WDR25: variants seen among roughly 807,000 people sequenced by gnomAD.
The protein encoded by WDR25 is WD repeat-containing protein 25.
Under a neutral mutation model 47.7 loss-of-function variants are expected in WDR25, and 35 were observed. The ratio of observed to expected loss-of-function variants is 0.73; its 90% confidence interval spans 0.56 to 0.97. WDR25 has a LOEUF of 0.97. Among genes scored for constraint, WDR25 ranks in the 50% least tolerant of loss-of-function variants. WDR25 has a pLI of 0.00. For missense variants in WDR25, 634 were observed against 704.7 expected (o/e 0.90, Z 1.14); for synonymous variants, 248 against 278.9 (o/e 0.89, Z 1.10).
intron 2 of WDR25, among the ~76,000 whole-genome samples, chr14:100,413,219 G>A (rs1375523028): frequency 6.6e-6 from 1 of 151,822 alleles, no homozygotes; most frequent in Non-Finnish European, 1.5e-5. Flanking sequence ...ACTGTCAGAT[G>A]AGTTTTGACA....
rs57039819 is a variant in WDR25, at chr14:100,381,392, C to T, written c.468C>T (p.Thr156=). Residue 156 remains threonine, a synonymous_variant, in exon 2 of 7, where the codon ACC becomes ACT. Transcript: ENST00000402312. ...TCCATGCTCAAAGTGAGTCTGAAACCGTAGGTAAAAATGGCAGCTCTTTTC... is the reference window on the plus strand; with the variant it reads ...TCCATGCTCAAAGTGAGTCTGAAACTGTAGGTAAAAATGGCAGCTCTTTTC... ...SSFHAQSESE[T]VGKNGSSFQK... 1,005 of 1,614,122 alleles carry T rather than the reference C, an allele frequency of 6.2e-4. 12 individuals carry two copies. The African/African-American group carries it at 0.012, about 19-fold the overall frequency.
At chr14:100,512,864 G>A (rs771003663) in intron 4 of WDR25, among the ~76,000 whole-genome samples, 9 of 152,098 alleles carry the variant, frequency 5.9e-5, no homozygotes, top group African/African-American at 1.7e-4. Context: ...AAGTGTGCTC[G>A]TTAGGTTCCA....
chr14:100,443,168 T>G (rs753564235), intron 2 of WDR25, among the ~76,000 whole-genome samples: 1 of 152,248 alleles, frequency 6.6e-6, no homozygotes, highest in African/African-American at 2.4e-5. Context: ...ATTGCTCTTC[T>G]GACTCCAAGC....
chr14:100,495,971 T>C (rs1378503594), intron 4 of WDR25, among the ~76,000 whole-genome samples: 1 of 152,258 alleles, frequency 6.6e-6, no homozygotes, highest in Non-Finnish European at 1.5e-5. Flanking sequence ...AGAAGTAGAA[T>C]TGCAAAGTCA....
chr14:100,441,440 C>G (rs1464197087), intron 2 of WDR25, among the ~76,000 whole-genome samples: 1 of 152,058 alleles, frequency 6.6e-6, no homozygotes, highest in Non-Finnish European at 1.5e-5. Context: ...AGGGAGTCTC[C>G]TCTCCAGACA....
chr14:100,528,982 G>T, intron 5 of WDR25, 86 bp from the exon 6 acceptor site: 1 of 1,458,196 alleles, frequency 6.9e-7, no homozygotes. Flanking sequence ...ACCCAGCTAG[G>T]GTCTGGGAGC....
intron 2 of WDR25, among the ~76,000 whole-genome samples, chr14:100,451,766 G>A (rs985328679): frequency 2.0e-5 from 3 of 152,154 alleles, no homozygotes; most frequent in Non-Finnish European, 2.9e-5. Context: ...CCAACTGGAT[G>A]ACCTATGGCT....
chr14:100,473,242 C>T (rs1013641562), intron 3 of WDR25, among the ~76,000 whole-genome samples: 9 of 152,190 alleles, frequency 5.9e-5, no homozygotes, highest in African/African-American at 2.2e-4. Context: ...ATGGTAGACT[C>T]TTTGCTTATG....
rs111261947 is a variant in WDR25, at chr14:100,388,379, G to A, written c.822+6633G>A. On this transcript the variant is annotated intron_variant, in intron 2 of 6. Coordinates refer to ENST00000402312, the MANE Select transcript of WDR25 (RefSeq NM_001161476.3). ...GGTTCATTTGATAGAGGCCCATAGA[G>A]GGGAAGACACGCCCGAGGACACACA... 8.0e-3 allele frequency among the ~76,000 whole-genome samples: 1,223 copies of A among 152,356 alleles called. 10 individuals are homozygous for A. The highest frequency in any genetic ancestry group is 0.024 in the African/African-American group (999 of 41,584).
Position 100,381,448 on chromosome 14 carries a change from C to T in WDR25, c.524C>T (p.Pro175Leu). The T allele has an allele frequency of 1.2e-6, 2 of 1,614,132 alleles. No homozygotes were observed. Among genetic ancestry groups the T allele is most frequent in the Non-Finnish European group, 1.7e-6 (2 of 1,180,042 alleles). The change falls in exon 2 of 7, where the codon CCC becomes CTC. Residue 175 changes from proline to leucine, a missense_variant. Coordinates refer to ENST00000402312, the MANE Select transcript of WDR25 (RefSeq NM_001161476.3). Reference protein sequence around the residue: ...QKKKCEDCVVPYTPRRLRQRQ... With the variant: ...QKKKCEDCVVLYTPRRLRQRQ... ...AAAAAATGTGAGGACTGTGTGGTAC[C>T]CTATACTCCCAGAAGACTAAGACAG...
In WDR25 at chr14:100,500,764, T is replaced by C. The variant is rs961699424; in HGVS notation, c.1101+16640T>C. 6.6e-6 allele frequency among the ~76,000 whole-genome samples: 1 copy of C among 152,166 alleles called. No individual in the cohort carries two copies. The highest frequency in any genetic ancestry group is 1.5e-5 in the Non-Finnish European group (1 of 68,014). On this transcript the variant is annotated intron_variant, in intron 4 of 6. Coordinates refer to ENST00000402312, the MANE Select transcript of WDR25 (RefSeq NM_001161476.3). This position sits in a 1 kb window ranked among gnomAD's most constrained non-coding sequence, Gnocchi z 4.7. Reference sequence around the variant, plus strand: ...CAGGTGGTACTGCGAGGCAGGGGCCTGGGCTTTTCAGAGTTGGGCTGCTCT... The same window carrying C: ...CAGGTGGTACTGCGAGGCAGGGGCCCGGGCTTTTCAGAGTTGGGCTGCTCT...
At chr14:100,414,956 G>A (rs1897829648) in intron 2 of WDR25, among the ~76,000 whole-genome samples, 1 of 151,942 alleles carries the variant, frequency 6.6e-6, no homozygotes, top group Non-Finnish European at 1.5e-5. Context: ...ATGGAGAATA[G>A]GTCACGAGGG....
intron 4 of WDR25, among the ~76,000 whole-genome samples, chr14:100,519,852 CTA>C (rs199803054): frequency 0.083 from 10,969 of 132,156 alleles, 1,530 homozygotes; most frequent in African/African-American, 0.29. Flanking sequence ...ACTATATATG[CTA>C]TATATATACT....
chr14:100,435,037 C>T (rs939853045), intron 2 of WDR25, among the ~76,000 whole-genome samples: 3 of 152,144 alleles, frequency 2.0e-5, no homozygotes, highest in Non-Finnish European at 4.4e-5. Context: ...GTGCAGTGTG[C>T]GTCTAGGTGC....
At chr14:100,377,467 A>T (rs977460035) in intron 1 of WDR25, among the ~76,000 whole-genome samples, 141 of 145,592 alleles carry the variant, frequency 9.7e-4, no homozygotes, top group African/African-American at 3.2e-3. Context: ...ACACGGCTAA[A>T]TTTTTTTTTT....
chr14:100,395,328 C>G (rs946426685), intron 2 of WDR25, among the ~76,000 whole-genome samples: 8 of 152,204 alleles, frequency 5.3e-5, no homozygotes, highest in Non-Finnish European at 7.3e-5. Flanking sequence ...AGGACAATAA[C>G]AGCATCCACC....
chr14:100,500,037 C>T lies in WDR25; in HGVS notation c.1101+15913C>T, dbSNP rs1185605952. 2.0e-5 allele frequency among the ~76,000 whole-genome samples: 3 copies of T among 152,084 alleles called. No individual in the cohort carries two copies. Among genetic ancestry groups the T allele is most frequent in the Admixed American group, 6.5e-5 (1 of 15,276 alleles). On this transcript the variant is annotated intron_variant, in intron 4 of 6. Coordinates refer to ENST00000402312, the MANE Select transcript of WDR25 (RefSeq NM_001161476.3). The surrounding 1 kb of genome is among the most constrained non-coding windows in gnomAD (Gnocchi z 4.7). ...AATGGTCTTGCAGCCTGCCTGGCCC[C>T]GCTCCACCCAGAGGTTCCCTGGGAC... is the stretch of plus-strand genomic sequence containing the variant.
In WDR25 at chr14:100,440,515, T is replaced by TGC. The variant is rs1898637044; in HGVS notation, c.823-27505_823-27504dup. On this transcript the variant is annotated intron_variant, in intron 2 of 6. Coordinates refer to ENST00000402312, the MANE Select transcript of WDR25 (RefSeq NM_001161476.3). The surrounding 1 kb of genome is among the most constrained non-coding windows in gnomAD (Gnocchi z 4.4). ...AGGGGCTGGCCGTCATGATTCAGCA[T>TGC]GCTAGCTCTCTGGAGGCTGTGCTGA... Among the ~76,000 whole-genome samples the TGC allele has an allele frequency of 6.6e-6, 1 of 152,200 alleles. No homozygotes were observed. Among genetic ancestry groups the TGC allele is most frequent in the Non-Finnish European group, 1.5e-5 (1 of 68,020 alleles).
At chr14:100,384,728 G>C (rs1396614673) in intron 2 of WDR25, among the ~76,000 whole-genome samples, 3 of 152,196 alleles carry the variant, frequency 2.0e-5, no homozygotes, top group Non-Finnish European at 4.4e-5. Flanking sequence ...TGAGCTCAAA[G>C]AGGCGGGTGC....
Sources: allele counts gnomAD v4.1 joint callset (sites outside exome capture counted in the v4.1 genomes callset), GRCh38; gene constraint gnomAD v4.1.1; non-coding constraint Gnocchi (gnomAD v3.1); transcripts MANE v1.5; gene names NCBI Gene and HGNC (gene_info 2026-07-23, HGNC 2026-07-21).